JUP: variants seen among roughly 807,000 people sequenced by gnomAD.
JUP encodes catenin (cadherin-associated protein), gamma 80kDa.
JUP carries 28 observed loss-of-function variants against 71.1 expected under a neutral mutation model. The ratio of observed to expected loss-of-function variants is 0.39; its 90% confidence interval spans 0.29 to 0.54. The LOEUF (loss-of-function observed/expected upper bound fraction) is 0.54, where lower values mean the gene tolerates loss of function less well. Ranked by LOEUF, JUP falls within the 20% of genes least tolerant of loss-of-function variation. The probability of loss-of-function intolerance (pLI) is 0.62; values close to 1 mark genes in which losing one functional copy is unlikely to be tolerated. For missense variants in JUP, 869 were observed against 1,030.1 expected (o/e 0.84, Z 2.14); for synonymous variants, 401 against 438.9 (o/e 0.91, Z 1.08).
At chr17:41,763,427 CTG>C in intron 7 of JUP, 106 bp from the exon 8 acceptor site, 1 of 757,582 alleles carries the variant, frequency 1.3e-6, no homozygotes, top group South Asian at 1.6e-5. Context: ...TCAGCCCTGC[CTG>C]TGTGTGCCCG....
chr17:41,757,815 G>C, intron 10 of JUP, 31 bp from the exon 11 acceptor site: 1 of 1,582,178 alleles, frequency 6.3e-7, no homozygotes, highest in Non-Finnish European at 8.6e-7. Context: ...AAGCAGGGGA[G>C]AGGTGGAAAG....
At chr17:41,785,370 G>T (rs1382408033) in intron 1 of JUP, among the ~76,000 whole-genome samples, 1 of 152,104 alleles carries the variant, frequency 6.6e-6, no homozygotes, top group African/African-American at 2.4e-5. Context: ...AACCACTTAC[G>T]CAGGCCTTGT....
At position 41,765,081 on chromosome 17, in the gene JUP, G is replaced by A. The variant is rs1251397678; in HGVS notation, c.910-14C>T. 6 of 1,613,304 alleles carry A rather than the reference G, an allele frequency of 3.7e-6. No homozygotes were observed. Among genetic ancestry groups the A allele is most frequent in the Non-Finnish European group, 4.2e-6 (5 of 1,179,410 alleles). On this transcript the variant is annotated splice_polypyrimidine_tract_variant and intron_variant, in intron 5 of 13. Coordinates refer to ENST00000393931, the MANE Select transcript of JUP (RefSeq NM_002230.4). Reference sequence around the variant, plus strand: ...CAGGATGATCAGCTATGGGTAAAGAGGGAATGAGTGTGAGATGGACGGGGA... The same window carrying A: ...CAGGATGATCAGCTATGGGTAAAGAAGGAATGAGTGTGAGATGGACGGGGA...
At chr17:41,786,411 C>T (rs1172014507) in intron 1 of JUP, 177 bp downstream of exon 1, 4 of 152,122 alleles carry the variant, frequency 2.6e-5, no homozygotes, top group Admixed American at 2.6e-4. Flanking sequence ...GCGCTCGGCC[C>T]GAACCGCGCG....
chr17:41,764,397 T>C (rs1370428522), intron 7 of JUP, among the ~76,000 whole-genome samples: 5 of 151,982 alleles, frequency 3.3e-5, no homozygotes, highest in African/African-American at 4.8e-5. Context: ...TAGCCAGACA[T>C]GATGGCAGGT....
At position 41,767,589 on chromosome 17, in the gene JUP, GT is replaced by G; in HGVS notation, c.708-10del. The stretch of plus-strand genomic sequence containing the variant: ...CCGACTCCACAGGGGAGCTGGGGGG[GT>G]GGGCAGGGGTTAGTACGCTGAGGTC... On this transcript the variant is annotated splice_polypyrimidine_tract_variant and intron_variant, in intron 4 of 13. Coordinates refer to ENST00000393931, the MANE Select transcript of JUP (RefSeq NM_002230.4). 2 of 1,576,370 alleles carry G rather than the reference GT, an allele frequency of 1.3e-6. No homozygotes were observed. Among genetic ancestry groups the G allele is most frequent in the Non-Finnish European group, 8.7e-7 (1 of 1,149,326 alleles).
intron 8 of JUP, among the ~76,000 whole-genome samples, chr17:41,761,076 CT>C (rs1914732131): frequency 1.3e-5 from 2 of 152,168 alleles, no homozygotes; most frequent in Non-Finnish European, 1.5e-5. Context: ...TGCCCACACC[CT>C]GACCCACTCT....
intron 3 of JUP, 101 bp from the exon 4 acceptor site, chr17:41,769,308 G>GTGT: frequency 6.4e-7 from 1 of 1,557,698 alleles, no homozygotes; most frequent in South Asian, 1.1e-5. Context: ...ATCACACACG[G>GTGT]GAGAGTCTGG....
At chr17:41,774,246 G>C (rs1021788236) in intron 1 of JUP, among the ~76,000 whole-genome samples, 1 of 144,068 alleles carries the variant, frequency 6.9e-6, no homozygotes, top group Admixed American at 6.8e-5. Context: ...GGGTGGGGGG[G>C]TGGACGCCCA....
At chr17:41,758,342 C>T (rs946943423) in intron 10 of JUP, 57 bp downstream of exon 10, 10 of 1,609,792 alleles carry the variant, frequency 6.2e-6, no homozygotes, top group Non-Finnish European at 8.5e-6. Flanking sequence ...GGACTCCTAA[C>T]CTTGCCCTTT....
intron 5 of JUP, 28 bp from the exon 6 acceptor site, chr17:41,765,095 G>A: frequency 6.2e-7 from 1 of 1,609,874 alleles, no homozygotes; most frequent in Middle Eastern, 1.6e-4. Context: ...ATGAGTGTGA[G>A]ATGGACGGGG....
At chr17:41,773,563 G>A (rs1402663872) in intron 1 of JUP, among the ~76,000 whole-genome samples, 7 of 152,132 alleles carry the variant, frequency 4.6e-5, no homozygotes, top group South Asian at 4.1e-4. Context: ...CCAGGCATTC[G>A]AAAGTGTAGC....
intron 4 of JUP, 57 bp downstream of exon 4, chr17:41,768,912 G>C (rs1916120663): frequency 1.5e-6 from 2 of 1,319,204 alleles, no homozygotes; most frequent in South Asian, 1.2e-5. Context: ...GGGAAGGGAG[G>C]GGAGAGGCCC....
In JUP at chr17:41,769,427, G is replaced by C; in HGVS notation, c.459C>G (p.Asp153Glu). The C allele has an allele frequency of 1.2e-6, 2 of 1,611,900 alleles. No individual in the cohort carries two copies. Among genetic ancestry groups the C allele is most frequent in the Non-Finnish European group, 1.7e-6 (2 of 1,179,394 alleles). Residue 153 changes from aspartate (D) to glutamate (E), a missense_variant, in exon 3 of 14, where the codon GAC becomes GAG. By Grantham distance (45) the Asp-to-Glu change is conservative. Coordinates refer to ENST00000393931, the MANE Select transcript of JUP (RefSeq NM_002230.4). Reference protein sequence around the residue: ...ALPELTKLLNDEDPVVVTKAA... With the variant: ...ALPELTKLLNEEDPVVVTKAA... ...AGGGACCCTCACAGACCGGGTCCTC[G>C]TCGTTGAGCAGTTTGGTGAGCTCGG...
rs1915420102 is a variant in JUP, at chr17:41,764,738, T to C, written c.1133A>G (p.Asn378Ser). 1 of 1,612,738 alleles carries C rather than the reference T, an allele frequency of 6.2e-7. No homozygotes were observed. The highest frequency in any genetic ancestry group is 1.3e-5 in the African/African-American group (1 of 74,800). ...LVQNCLWTLR[N>S]LSDVATKQEG... ...CTGCTTGGTGGCCACATCTGAGAGGTTGCGCAGGGTCCACAGGCAGTTCTG... is the reference window on the plus strand; with the variant it reads ...CTGCTTGGTGGCCACATCTGAGAGGCTGCGCAGGGTCCACAGGCAGTTCTG... The change falls in exon 7 of 14, where the codon AAC becomes AGC. Residue 378 changes from asparagine to serine, a missense_variant. By Grantham distance (46) the Asn-to-Ser change is conservative. Transcript: ENST00000393931.
intron 4 of JUP, 121 bp downstream of exon 4, chr17:41,768,848 G>T: frequency 1.2e-6 from 1 of 807,318 alleles, no homozygotes; most frequent in Non-Finnish European, 2.1e-6. Flanking sequence ...CCCGGATGGG[G>T]TGTGCTTCTG....
In JUP at chr17:41,769,404, G is replaced by A; in HGVS notation, c.468+14C>T. 3 of 1,606,960 alleles carry A rather than the reference G, an allele frequency of 1.9e-6. No homozygotes were observed. Among genetic ancestry groups the A allele is most frequent in the Middle Eastern group, 1.7e-4 (1 of 6,056 alleles). On this transcript the variant is annotated intron_variant, in intron 3 of 13. Transcript: ENST00000393931. Reference sequence around the variant, plus strand: ...CCCTGCCCAGCCCCCACCCTAGCAGGGACCCTCACAGACCGGGTCCTCGTC... The same window carrying A: ...CCCTGCCCAGCCCCCACCCTAGCAGAGACCCTCACAGACCGGGTCCTCGTC...
chr17:41,765,281 A>C (rs1368857982), intron 5 of JUP, among the ~76,000 whole-genome samples: 2 of 151,954 alleles, frequency 1.3e-5, no homozygotes, highest in Non-Finnish European at 2.9e-5. Context: ...AGTGATCCTC[A>C]CACCTCAGCC....
intron 1 of JUP, among the ~76,000 whole-genome samples, chr17:41,774,435 G>A (rs1344598059): frequency 6.6e-6 from 1 of 152,040 alleles, no homozygotes. Context: ...CTGGGTTCCA[G>A]TGATTCTCCT....
Sources: allele counts gnomAD v4.1 joint callset (sites outside exome capture counted in the v4.1 genomes callset), GRCh38; gene constraint gnomAD v4.1.1; transcripts MANE v1.5; gene names NCBI Gene and HGNC (gene_info 2026-07-23, HGNC 2026-07-21).